Variants in AUTS2 observed in about 807,000 individuals in gnomAD.
The protein encoded by AUTS2 is autism susceptibility gene 2 protein.
Under a neutral mutation model 112.4 loss-of-function variants are expected in AUTS2, and 17 were observed. The ratio of observed to expected loss-of-function variants is 0.15; its 90% CI spans 0.10 to 0.23. The LOEUF (loss-of-function observed/expected upper bound fraction) is 0.23, where lower values mean the gene tolerates loss of function less well. AUTS2 is among the 10% of genes least tolerant of loss of function. The pLI, the probability that AUTS2 is intolerant of heterozygous loss-of-function variation, is 1.00. For synonymous variants in AUTS2, 751 were observed against 702.7 expected, an observed-to-expected ratio of 1.07 and a Z score of -1.09; for missense variants, 1,510 against 1,701.6, an observed-to-expected ratio of 0.89 and a Z score of 1.98.
intron 1 of AUTS2, among the ~76,000 whole-genome samples, chr7:69,705,595 A>G (rs1798030426): frequency 6.6e-6 from 1 of 152,172 alleles, no homozygotes; most frequent in African/African-American, 2.4e-5. Context: ...GTCAGCCCTC[A>G]TTTGGATCCA....
At chr7:70,647,364 C>T (rs1260244983) in intron 5 of AUTS2, among the ~76,000 whole-genome samples, 2 of 152,190 alleles carry the variant, frequency 1.3e-5, no homozygotes, top group Non-Finnish European at 2.9e-5. Flanking sequence ...CTTCGCTCTG[C>T]AAGCCCTGAA....
At position 70,745,828 on chromosome 7, in the gene AUTS2, G is replaced by A. The variant is rs143288692; in HGVS notation, c.743-17042G>A. Among the ~76,000 whole-genome samples the A allele has an allele frequency of 2.4e-3, 367 of 152,136 alleles. 4 individuals are homozygous for A. Among genetic ancestry groups the A allele is most frequent in the African/African-American group, 8.4e-3 (347 of 41,492 alleles). On this transcript the variant is annotated intron_variant, in intron 6 of 18. Coordinates refer to ENST00000342771, the MANE Select transcript of AUTS2 (RefSeq NM_015570.4). ...TTCCAATTATTTCACACTTGCTTGC[G>A]TTATATACTATTATTTTATTGCAGT...
chr7:69,667,168 C>A (rs77130783), intron 1 of AUTS2, among the ~76,000 whole-genome samples: 9,573 of 152,040 alleles, frequency 0.063, 337 homozygotes, highest in East Asian at 0.13. Context: ...CTGATAAAGC[C>A]GCTATCCCTA....
At chr7:69,863,909 C>T (rs1279191884) in intron 1 of AUTS2, among the ~76,000 whole-genome samples, 3 of 152,188 alleles carry the variant, frequency 2.0e-5, no homozygotes, top group South Asian at 4.1e-4. Flanking sequence ...CTGACTTCTG[C>T]GTTTCATTCC....
chr7:70,734,255 C>T (rs1427892686), intron 6 of AUTS2, among the ~76,000 whole-genome samples: 1 of 151,894 alleles, frequency 6.6e-6, no homozygotes, highest in East Asian at 2.0e-4. Context: ...CTGGCTAACA[C>T]AGTGAAACCC....
chr7:70,022,820 A>G (rs1005862989), intron 2 of AUTS2, among the ~76,000 whole-genome samples: 1 of 151,758 alleles, frequency 6.6e-6, no homozygotes, highest in Non-Finnish European at 1.5e-5. Flanking sequence ...TGTACAGGCA[A>G]CCCTCTAACT....
intron 5 of AUTS2, among the ~76,000 whole-genome samples, chr7:70,610,913 A>G (rs551092885): frequency 1.3e-5 from 2 of 152,264 alleles, no homozygotes; most frequent in South Asian, 4.2e-4. Flanking sequence ...TGATTTGCAA[A>G]TATTTTCAGC....
intron 5 of AUTS2, among the ~76,000 whole-genome samples, chr7:70,574,202 T>C: frequency 6.6e-6 from 1 of 152,122 alleles, no homozygotes; most frequent in South Asian, 2.1e-4. Context: ...CCCTGCTTTC[T>C]TGGGAGTATA....
chr7:69,662,184 T>C (rs1464382057), intron 1 of AUTS2, among the ~76,000 whole-genome samples: 1 of 152,096 alleles, frequency 6.6e-6, no homozygotes, highest in Admixed American at 6.5e-5. Flanking sequence ...GAGCTTTTTT[T>C]TTTTTTTTAA....
intron 1 of AUTS2, among the ~76,000 whole-genome samples, chr7:69,724,708 C>A (rs1786422043): frequency 6.6e-6 from 1 of 152,092 alleles, no homozygotes; most frequent in Non-Finnish European, 1.5e-5. Flanking sequence ...ATCATTGTCC[C>A]CCCTTTTGCA....
chr7:70,488,165 A>T (rs1344188617), intron 5 of AUTS2, among the ~76,000 whole-genome samples: 1 of 152,236 alleles, frequency 6.6e-6, no homozygotes, highest in African/African-American at 2.4e-5. Context: ...GACCTGCAGA[A>T]CATCTGTCCT....
Position 70,629,757 on chromosome 7 carries a change from CT to C in AUTS2, c.691-68801del, listed in dbSNP as rs200876307. ...CCTAATTCTAAATTTACCTAAGGTT[CT>C]TTTTTTTTTTCTTTTTTAAAAGCTT... is the stretch of plus-strand genomic sequence containing the variant. On this transcript the variant is annotated intron_variant, in intron 5 of 18. Transcript: ENST00000342771. 4.2e-3 allele frequency among the ~76,000 whole-genome samples: 614 copies of C among 146,204 alleles called. 6 individuals carry two copies. Among genetic ancestry groups the C allele is most frequent in the African/African-American group, 0.013 (533 of 40,030 alleles).
chr7:70,232,582 T>G (rs1359752140), intron 4 of AUTS2, among the ~76,000 whole-genome samples: 1 of 152,116 alleles, frequency 6.6e-6, no homozygotes, highest in Non-Finnish European at 1.5e-5. Flanking sequence ...TTTTGTATCC[T>G]TAGTAGAGGT....
At chr7:70,483,537 AC>A (rs754182253) in intron 5 of AUTS2, among the ~76,000 whole-genome samples, 2 of 152,282 alleles carry the variant, frequency 1.3e-5, no homozygotes, top group Non-Finnish European at 1.5e-5. Context: ...GTGGTGAGCA[AC>A]CCGTGTGCTT....
chr7:70,758,099 G>A (rs1039932233), intron 6 of AUTS2, among the ~76,000 whole-genome samples: 5 of 151,938 alleles, frequency 3.3e-5, no homozygotes, highest in Non-Finnish European at 5.9e-5. Context: ...TTCTTTGTAC[G>A]TAAAATAAGA....
chr7:69,991,204 C>T (rs1038434715), intron 2 of AUTS2, among the ~76,000 whole-genome samples: 1 of 152,190 alleles, frequency 6.6e-6, no homozygotes, highest in Non-Finnish European at 1.5e-5. Flanking sequence ...TTCTTCATTT[C>T]CCTTCACTGC....
chr7:69,977,981 A>T (rs1310546897), intron 2 of AUTS2, among the ~76,000 whole-genome samples: 1 of 152,132 alleles, frequency 6.6e-6, no homozygotes, highest in East Asian at 1.9e-4. Flanking sequence ...CTTAGTGTGG[A>T]TAATAGGGAA....
chr7:70,592,368 A>T (rs890361032), intron 5 of AUTS2, among the ~76,000 whole-genome samples: 5 of 151,468 alleles, frequency 3.3e-5, no homozygotes, highest in African/African-American at 2.4e-5. Context: ...TATTTTATTT[A>T]TTTTATTTTT....
At chr7:70,525,965 G>A (rs963074797) in intron 5 of AUTS2, among the ~76,000 whole-genome samples, 1 of 152,198 alleles carries the variant, frequency 6.6e-6, no homozygotes, top group East Asian at 1.9e-4. Context: ...CCTGCCCAGT[G>A]TCCTCACGTA....
Sources: allele counts gnomAD v4.1 joint callset (sites outside exome capture counted in the v4.1 genomes callset), GRCh38; gene constraint gnomAD v4.1.1; transcripts MANE v1.5; gene names NCBI Gene and HGNC (gene_info 2026-07-23, HGNC 2026-07-21).